SGSH: variants seen among roughly 807,000 people sequenced by gnomAD.
SGSH encodes the protein N-sulfoglucosamine sulfohydrolase.
In SGSH, 48 loss-of-function variants were observed where a neutral mutation model predicts 51.0. The ratio of observed to expected loss-of-function variants is 0.94; its 90% CI spans 0.75 to 1.20. The LOEUF is 1.20. Among genes scored for constraint, SGSH ranks in the 50% most tolerant of loss-of-function variants. The pLI is 0.00. For missense variants in SGSH, 662 were observed against 717.8 expected (o/e 0.92, Z 0.89); for synonymous variants, 321 against 313.4 (o/e 1.02, Z -0.26).
chr17:80,209,238 G>C (rs2041524654), downstream of SGSH: 9 of 865,086 alleles, frequency 1.0e-5, no homozygotes, highest in Non-Finnish European at 1.1e-5. Flanking sequence ...CCAAGAATCA[G>C]GAAGCTGTTC....
At position 80,214,190 on chromosome 17, in the gene SGSH, G is replaced by T. The variant is rs151227799; in HGVS notation, c.645C>A (p.Tyr215Ter). ...GRIPDWTPQA[Y>*]DPLDVLVPYF... Reference sequence around the variant, plus strand: ...GTCCTACCAGCACGTCCAGTGGGTCGTAGGCCTGGGGGGTCCAGTCTGGGA... The same window carrying T: ...GTCCTACCAGCACGTCCAGTGGGTCTTAGGCCTGGGGGGTCCAGTCTGGGA... Residue 215 changes from tyrosine (Y) to a stop codon, truncating the protein, a stop_gained, in exon 5 of 8, where the codon TAC becomes TAA. Transcript: ENST00000326317. LOFTEE classifies it high-confidence loss of function. 6.2e-7 allele frequency: 1 copy of T among 1,610,824 alleles called. No homozygotes were observed. The highest frequency in any genetic ancestry group is 1.7e-5 in the Admixed American group (1 of 59,664).
In SGSH at chr17:80,213,874, G is replaced by T. The variant is rs34520362; in HGVS notation, c.675C>A (p.Phe225Leu). 1 of 1,607,952 alleles carries T rather than the reference G, an allele frequency of 6.2e-7. No homozygotes were observed. The highest frequency in any genetic ancestry group is 1.1e-5 in the South Asian group (1 of 90,278). ...CTCGGGCTGCCGGGGTGTTGGGGAC[G>T]AAGTAAGGCACCTGGGGCAGGCGGT... ...YDPLDVLVPYFVPNTPAARAD... is the reference protein window; with the variant it reads ...YDPLDVLVPYLVPNTPAARAD... Residue 225 changes from phenylalanine to leucine, a missense_variant, in exon 6 of 8, where the codon TTC becomes TTA. Transcript: ENST00000326317. This position sits in a 1 kb window ranked among gnomAD's most constrained non-coding sequence, Gnocchi z 4.6.
At chr17:80,214,943 C>A in intron 3 of SGSH, 90 bp downstream of exon 3, 1 of 1,314,044 alleles carries the variant, frequency 7.6e-7, no homozygotes, top group South Asian at 1.2e-5. Flanking sequence ...GGGGGCTGAG[C>A]GTGCCTTGGT....
intron 1 of SGSH, among the ~76,000 whole-genome samples, chr17:80,218,865 G>T (rs2042001088): frequency 6.6e-6 from 1 of 152,094 alleles, no homozygotes; most frequent in African/African-American, 2.4e-5. Flanking sequence ...GGACTTAAAG[G>T]AAAAGAAAGA....
intron 4 of SGSH, 54 bp downstream of exon 4, chr17:80,214,561 G>C: frequency 6.4e-7 from 1 of 1,572,846 alleles, no homozygotes; most frequent in East Asian, 2.3e-5. Flanking sequence ...AAGACTCCGG[G>C]CTGTGCTCTG....
chr17:80,208,607 T>C, downstream of SGSH: 1 of 420,910 alleles, frequency 2.4e-6, no homozygotes, highest in Non-Finnish European at 4.2e-6. Context: ...ACCCTGAGAA[T>C]GTTTCTGCAG....
At chr17:80,211,811 A>C in intron 7 of SGSH, 1 of 550,980 alleles carries the variant, frequency 1.8e-6, no homozygotes, top group Non-Finnish European at 3.3e-6. Flanking sequence ...TAGGCGGGGA[A>C]AAGGCAATGG....
At chr17:80,206,856 G>C (rs1472376269), downstream of SGSH, 5 of 573,634 alleles carry the variant, frequency 8.7e-6, no homozygotes, top group African/African-American at 3.9e-5. Context: ...GCTCTGCCCA[G>C]CTCCTGCCCT....
chr17:80,209,130 A>T, downstream of SGSH: 1 of 190,346 alleles, frequency 5.3e-6, no homozygotes, highest in Non-Finnish European at 9.7e-6. Flanking sequence ...TCTTTACTCC[A>T]CCTTCAGGGC....
chr17:80,202,313 C>T (rs751083330), downstream of SGSH: 117 of 1,613,616 alleles, frequency 7.3e-5, no homozygotes, highest in East Asian at 1.3e-4. Flanking sequence ...AGGTCCTGCA[C>T]GTCACCGACA....
downstream of SGSH, chr17:80,203,963 G>T (rs2041131423): frequency 1.6e-6 from 2 of 1,213,364 alleles, no homozygotes; most frequent in Non-Finnish European, 2.3e-6. This position sits in a 1 kb window ranked among gnomAD's most constrained non-coding sequence, Gnocchi z 4.6. Flanking sequence ...GTGGCAGGAG[G>T]CACTGTGTGG....
chr17:80,203,764 C>G (rs1399814000), downstream of SGSH: 63 of 1,425,122 alleles, frequency 4.4e-5, no homozygotes, highest in Non-Finnish European at 5.7e-5. This position sits in a 1 kb window ranked among gnomAD's most constrained non-coding sequence, Gnocchi z 4.6. Context: ...TCGGCTCTCC[C>G]CTGCCCTGCT....
downstream of SGSH, chr17:80,208,202 G>A (rs887792411): frequency 1.9e-6 from 3 of 1,554,970 alleles, no homozygotes; most frequent in African/African-American, 4.1e-5. Context: ...GCAGGAGGAG[G>A]GAGACCTGGA....
In SGSH at chr17:80,213,583, G is replaced by A. The variant is rs1225465274; in HGVS notation, c.745+221C>T. The A allele has an allele frequency of 1.7e-6, 1 of 589,878 alleles. No individual in the cohort carries two copies. Among genetic ancestry groups the A allele is most frequent in the African/African-American group, 1.9e-5 (1 of 53,668 alleles). The allele number at this position is 589,878 out of a possible 1,614,324, so 36.5% of individuals were successfully genotyped here. Reference sequence around the variant, plus strand: ...TCACGCAACCTCTGGGGCACCCGAAGGCCCCAGCCCAGGAGCAGGTCCACA... The same window carrying A: ...TCACGCAACCTCTGGGGCACCCGAAAGCCCCAGCCCAGGAGCAGGTCCACA... On this transcript the variant is annotated intron_variant, in intron 6 of 7. Coordinates refer to ENST00000326317, the MANE Select transcript of SGSH (RefSeq NM_000199.5). This position sits in a 1 kb window ranked among gnomAD's most constrained non-coding sequence, Gnocchi z 4.6.
chr17:80,206,146 T>C (rs1430198469), downstream of SGSH, among the ~76,000 whole-genome samples: 2 of 152,172 alleles, frequency 1.3e-5, no homozygotes, highest in Non-Finnish European at 2.9e-5. Flanking sequence ...CTCTTAATAC[T>C]GCATAGCACA....
chr17:80,205,648 A>G, downstream of SGSH: 1 of 1,562,634 alleles, frequency 6.4e-7, no homozygotes, highest in Non-Finnish European at 8.7e-7. Flanking sequence ...TCCCTCATGG[A>G]AAAGGTGAGG....
chr17:80,220,169 G>C, intron 1 of SGSH, 57 bp downstream of exon 1: 1 of 1,331,422 alleles, frequency 7.5e-7, no homozygotes, highest in Non-Finnish European at 1.0e-6. Flanking sequence ...GAGGAGGCCA[G>C]TGGCCACTTC....
intron 1 of SGSH, among the ~76,000 whole-genome samples, chr17:80,219,131 G>C (rs2042016792): frequency 8.1e-6 from 1 of 123,476 alleles, no homozygotes; most frequent in Non-Finnish European, 1.6e-5. Context: ...CTGTGCTCCA[G>C]CCTGGGTGAC....
chr17:80,217,038 C>T lies in SGSH; in HGVS notation c.243G>A (p.Leu81=), dbSNP rs543297521. The T allele has an allele frequency of 6.4e-7, 1 of 1,573,720 alleles. No individual in the cohort carries two copies. Among genetic ancestry groups the T allele is most frequent in the Non-Finnish European group, 8.6e-7 (1 of 1,162,034 alleles). Residue 81 remains leucine (L), a synonymous_variant, in exon 2 of 8, where the codon CTG becomes CTA. Transcript: ENST00000326317. ...SPSRASLLTG[L]PQHQNGMYGL... The stretch of plus-strand genomic sequence containing the variant: ...CCCGCCCCTTGCACCTCACCTGGGG[C>T]AGGCCAGTGAGGAGGCTGGCGCGGC...
Sources: gnomAD v4.1 joint callset for allele counts (sites outside exome capture counted in the v4.1 genomes callset) on GRCh38, gnomAD v4.1.1 for gene constraint, Gnocchi (gnomAD v3.1) non-coding constraint, MANE v1.5 for transcripts, NCBI Gene and HGNC (gene_info 2026-07-23, HGNC 2026-07-21) for gene names.